PLCB2: variants seen among roughly 807,000 people sequenced by gnomAD.
PLCB2 encodes 1-phosphatidylinositol 4,5-bisphosphate phosphodiesterase beta-2.
PLCB2 carries 115 observed loss-of-function variants against 141.7 expected under a neutral mutation model. That is an observed-to-expected ratio of 0.81 (90% CI 0.70 to 0.95). The LOEUF is 0.95. Ranked by LOEUF, PLCB2 falls within the 40% of genes least tolerant of loss-of-function variation. PLCB2 has a pLI of 0.00. For missense variants in PLCB2, 1,403 were observed against 1,541.1 expected (o/e 0.91, Z 1.50); for synonymous variants, 603 against 595.6 (o/e 1.01, Z -0.18).
At position 40,288,912 on chromosome 15, in the gene PLCB2, T is replaced by C. The variant is rs1488717978; in HGVS notation, c.3361A>G (p.Lys1121Glu). Residue 1121 changes from lysine to glutamate, a missense_variant, in exon 32 of 32, where the codon AAG becomes GAG. Lys to Glu is a moderately conservative substitution (Grantham distance 56, BLOSUM62 1). This residue lies in a region of PLCB2 where 132 missense variants were observed against 132.4 expected (regional missense o/e 1.00). Coordinates refer to ENST00000260402, the MANE Select transcript of PLCB2 (RefSeq NM_004573.3). Reference sequence around the variant, plus strand: ...GCCTCGTACTCTGCCAGCGCCTCCTTCTGGAACTGTGGAGACAGCAAGGAC... The same window carrying C: ...GCCTCGTACTCTGCCAGCGCCTCCTCCTGGAACTGTGGAGACAGCAAGGAC... Reference protein sequence around the residue: ...QIREMEKQFQKEALAEYEARM... With the variant: ...QIREMEKQFQEEALAEYEARM... The C allele has an allele frequency of 2.5e-6, 4 of 1,612,690 alleles. No homozygotes were observed. Among genetic ancestry groups the C allele is most frequent in the Non-Finnish European group, 3.4e-6 (4 of 1,179,896 alleles).
intron 15 of PLCB2, 30 bp downstream of exon 15, chr15:40,296,492 A>C: frequency 6.2e-7 from 1 of 1,613,854 alleles, no homozygotes; most frequent in South Asian, 1.1e-5. Context: ...GGAGGATGAC[A>C]CAGAGGGGCC....
Position 40,290,041 on chromosome 15 carries a change from A to G in PLCB2, c.3251T>C (p.Val1084Ala). The change falls in exon 30 of 32, where the codon GTG becomes GCG. Residue 1084 changes from valine to alanine, a missense_variant. Physicochemically the swap from Val to Ala is moderately conservative, Grantham distance 64 (BLOSUM62 0). Coordinates refer to ENST00000260402, the MANE Select transcript of PLCB2 (RefSeq NM_004573.3). ...CTTACACACCTGCTTGATCACCTGC[A>G]CTACTTCCTGGATGTGGGAGTTGTT... ...EINNSHIQEVVQVIKQMTENL... is the reference protein window; with the variant it reads ...EINNSHIQEVAQVIKQMTENL... 6.2e-7 allele frequency: 1 copy of G among 1,606,896 alleles called. No homozygotes were observed. The highest frequency in any genetic ancestry group is 8.5e-7 in the Non-Finnish European group (1 of 1,174,262).
At chr15:40,296,467 A>G in intron 15 of PLCB2, 55 bp downstream of exon 15, 1 of 1,613,292 alleles carries the variant, frequency 6.2e-7, no homozygotes, top group Non-Finnish European at 8.5e-7. Context: ...GCCCCCATCC[A>G]GGGGGCTTAA....
At chr15:40,285,594 G>A, downstream of PLCB2, 1 of 985,394 alleles carries the variant, frequency 1.0e-6, no homozygotes, top group African/African-American at 1.7e-5. Flanking sequence ...CCCAGGAATG[G>A]ATAGAGACTC....
Position 40,290,029 on chromosome 15 carries a change from T to A in PLCB2, c.3263A>T (p.Lys1088Met). 1 of 1,581,294 alleles carries A rather than the reference T, an allele frequency of 6.3e-7. No individual in the cohort carries two copies. The highest frequency in any genetic ancestry group is 8.7e-7 in the Non-Finnish European group (1 of 1,150,516). ...SHIQEVVQVI[K>M]QMTENLERHQ... ...AAGGACACAGCCCTTACACACCTGC[T>A]TGATCACCTGCACTACTTCCTGGAT... The change falls in exon 30 of 32, where the codon AAG (lysine) becomes ATG (methionine). Residue 1088 changes from lysine (K) to methionine (M), a missense_variant. This residue lies in a region of PLCB2 where 132 missense variants were observed against 132.4 expected (regional missense o/e 1.00). Coordinates refer to ENST00000260402, the MANE Select transcript of PLCB2 (RefSeq NM_004573.3).
chr15:40,294,165 A>T, intron 19 of PLCB2, 101 bp downstream of exon 19: 1 of 1,187,864 alleles, frequency 8.4e-7, no homozygotes, highest in Non-Finnish European at 1.2e-6. Flanking sequence ...AGTTTCCAGG[A>T]TATCAGGGGA....
intron 11 of PLCB2, 111 bp from the exon 12 acceptor site, chr15:40,298,070 C>T (rs899101589): frequency 1.8e-5 from 21 of 1,138,848 alleles, no homozygotes; most frequent in African/African-American, 7.7e-5. Context: ...ACTGCATGGC[C>T]GCCATTGGCC....
At chr15:40,287,540 A>G (rs562774117), downstream of PLCB2, among the ~76,000 whole-genome samples, 1 of 151,634 alleles carries the variant, frequency 6.6e-6, no homozygotes, top group African/African-American at 2.4e-5. Context: ...GCATCCAACC[A>G]CTCTGTCTTC....
chr15:40,299,314 C>T (rs1039912629), intron 7 of PLCB2, 86 bp from the exon 8 acceptor site: 3 of 883,628 alleles, frequency 3.4e-6, no homozygotes, highest in Non-Finnish European at 1.9e-6. Flanking sequence ...GTCAAGGGGA[C>T]CTGGTCAGAA....
chr15:40,298,164 T>C, intron 11 of PLCB2, 59 bp downstream of exon 11: 1 of 1,504,536 alleles, frequency 6.6e-7, no homozygotes, highest in South Asian at 1.3e-5. Flanking sequence ...CCTCAAAGCT[T>C]CTGGCCCAGA....
chr15:40,290,562 C>G lies in PLCB2; in HGVS notation c.3209+15G>C, dbSNP rs750205550. 5.6e-6 allele frequency: 9 copies of G among 1,593,948 alleles called. No individual in the cohort carries two copies. The South Asian group carries it at 9.9e-5, about 18-fold the overall frequency. On this transcript the variant is annotated intron_variant, in intron 29 of 31. Transcript: ENST00000260402. ...TGGGGTCTGCCCAGCCCTGGGCCTCCCCTCCAGGGCTCACCTCTCCTGGGC... is the reference window on the plus strand; with the variant it reads ...TGGGGTCTGCCCAGCCCTGGGCCTCGCCTCCAGGGCTCACCTCTCCTGGGC...
At chr15:40,298,154 C>A in intron 11 of PLCB2, 69 bp downstream of exon 11, 1 of 1,477,668 alleles carries the variant, frequency 6.8e-7, no homozygotes, top group Non-Finnish European at 9.1e-7. Context: ...CCCTCCAACC[C>A]CTCAAAGCTT....
chr15:40,295,270 T>A lies in PLCB2; in HGVS notation c.1712A>T (p.Tyr571Phe). 1 of 1,612,980 alleles carries A rather than the reference T, an allele frequency of 6.2e-7. No individual in the cohort carries two copies. Among genetic ancestry groups the A allele is most frequent in the East Asian group, 2.2e-5 (1 of 44,874 alleles). Reference protein sequence around the residue: ...FEFSAQKNRSYVISSFTELKA... With the variant: ...FEFSAQKNRSFVISSFTELKA... ...GAGCTCTGTGAAGGACGAGATGACA[T>A]AACTTCGGTTCTTTTCTATATAGGG... The change falls in exon 17 of 32, where the codon TAT (tyrosine) becomes TTT (phenylalanine). Residue 571 changes from tyrosine to phenylalanine, a missense_variant. Physicochemically the swap from Tyr to Phe is conservative, Grantham distance 22. This residue lies in a region of PLCB2 where 975 missense variants were observed against 1,141.1 expected (regional missense o/e 0.85). Transcript: ENST00000260402.
downstream of PLCB2, chr15:40,285,695 A>C (rs2039600592): frequency 1.0e-6 from 1 of 985,384 alleles, no homozygotes; most frequent in Non-Finnish European, 1.2e-6. Flanking sequence ...TCTTTTCAGC[A>C]CTGTGAGGGA....
At position 40,290,007 on chromosome 15, in the gene PLCB2, GAC is replaced by G; in HGVS notation, c.3267+16_3267+17del. On this transcript the variant is annotated intron_variant, in intron 30 of 31. Coordinates refer to ENST00000260402, the MANE Select transcript of PLCB2 (RefSeq NM_004573.3). ...TGTGTGTGTGTGTGTGTTTAGGAAGGACACAGCCCTTACACACCTGCTTGATC... is the reference window on the plus strand; with the variant it reads ...TGTGTGTGTGTGTGTGTTTAGGAAGGACAGCCCTTACACACCTGCTTGATC... 7.2e-7 allele frequency: 1 copy of G among 1,386,592 alleles called. No homozygotes were observed. The highest frequency in any genetic ancestry group is 1.0e-6 in the Non-Finnish European group (1 of 973,028). 85.9% of individuals were successfully genotyped at this position (1,386,592 alleles called of 1,614,324 possible). A position where few individuals can be genotyped will look rare whatever the true frequency, so the allele number is the denominator to read the frequency against.
chr15:40,305,352 C>A lies in PLCB2; in HGVS notation c.85-1274G>T, dbSNP rs1477188470. Among the ~76,000 whole-genome samples the A allele has an allele frequency of 4.6e-5, 7 of 152,102 alleles. No individual in the cohort carries two copies. The South Asian group carries it at 1.5e-3, about 32-fold the overall frequency. On this transcript the variant is annotated intron_variant, in intron 1 of 31. Coordinates refer to ENST00000260402, the MANE Select transcript of PLCB2 (RefSeq NM_004573.3). ...TAATGCTCTCCCTCCCCTTTCCCCC[C>A]ACCCCACAACAGGCCCCTGTGATCC... is the stretch of plus-strand genomic sequence containing the variant.
chr15:40,291,202 G>T lies in PLCB2; in HGVS notation c.2871-19C>A, dbSNP rs1400374812. The stretch of plus-strand genomic sequence containing the variant: ...CAGGCTCCTGGGGAGGCCACGTGGG[G>T]ACAGGCCCTGAGATCCTGCGCCACC... On this transcript the variant is annotated intron_variant, in intron 26 of 31. Coordinates refer to ENST00000260402, the MANE Select transcript of PLCB2 (RefSeq NM_004573.3). The T allele has an allele frequency of 6.4e-7, 1 of 1,571,086 alleles. No individual in the cohort carries two copies. Among genetic ancestry groups the T allele is most frequent in the African/African-American group, 1.3e-5 (1 of 74,492 alleles).
Position 40,293,664 on chromosome 15 carries a change from A to G in PLCB2, c.2122T>C (p.Phe708Leu). 6.2e-7 allele frequency: 1 copy of G among 1,614,094 alleles called. No individual in the cohort carries two copies. The highest frequency in any genetic ancestry group is 8.5e-7 in the Non-Finnish European group (1 of 1,179,990). Residue 708 changes from phenylalanine to leucine, a missense_variant, in exon 20 of 32, where the codon TTT (phenylalanine) becomes CTT (leucine). This residue lies in a region of PLCB2 where 975 missense variants were observed against 1,141.1 expected (regional missense o/e 0.85). Coordinates refer to ENST00000260402, the MANE Select transcript of PLCB2 (RefSeq NM_004573.3). ...SVRTYVEVEL[F>L]GLPGDPKRRY... ...CTCTTGGGGTCCCCAGGAAGGCCAA[A>G]CAGCTCCACTTCTACATAGGTGCGC...
chr15:40,298,001 C>T (rs377008279), intron 11 of PLCB2, 42 bp from the exon 12 acceptor site: 14 of 1,435,702 alleles, frequency 9.8e-6, no homozygotes, highest in African/African-American at 2.8e-5. Context: ...GTCAGCGTTC[C>T]GACTGCCTGT....
Sources: gnomAD v4.1 joint callset for allele counts (sites outside exome capture counted in the v4.1 genomes callset) on GRCh38, gnomAD v4.1.1 for gene constraint, gnomAD v4.1.1 regional missense constraint, MANE v1.5 for transcripts, NCBI Gene and HGNC (gene_info 2026-07-23, HGNC 2026-07-21) for gene names.